ENPP1: variants seen among roughly 807,000 people sequenced by gnomAD.
ENPP1 encodes ectonucleotide pyrophosphatase/phosphodiesterase 1, also known as ectonucleotide pyrophosphatase/phosphodiesterase family member 1.
ENPP1 carries 73 observed loss-of-function variants against 122.8 expected under a neutral mutation model. The observed-to-expected ratio is 0.59, with a 90% confidence interval of 0.49 to 0.72. The LOEUF is 0.72. ENPP1 is among the 30% of genes least tolerant of loss of function. ENPP1 has a pLI of 0.00. For missense variants in ENPP1, 978 were observed against 1,128.1 expected, an observed-to-expected ratio of 0.87 and a Z score of 1.91; for synonymous variants, 367 against 391.6, an observed-to-expected ratio of 0.94 and a Z score of 0.74.
chr6:131,870,709 A>C (rs1782150541), intron 13 of ENPP1, among the ~76,000 whole-genome samples: 2 of 152,224 alleles, frequency 1.3e-5, no homozygotes, highest in Admixed American at 1.3e-4. Context: ...GCATATGCCT[A>C]ATACCAAGTT....
intron 1 of ENPP1, chr6:131,826,773 G>A (rs1438520566): frequency 2.2e-6 from 1 of 453,344 alleles, no homozygotes; most frequent in Non-Finnish European, 4.1e-6. Context: ...GAGGGTCCTT[G>A]GATATTTTAA....
intron 1 of ENPP1, among the ~76,000 whole-genome samples, chr6:131,812,074 T>A (rs1781362531): frequency 1.3e-5 from 2 of 152,190 alleles, no homozygotes; most frequent in Non-Finnish European, 2.9e-5. Flanking sequence ...GTCATTCACT[T>A]ACACTGGAGT....
At chr6:131,816,978 A>C (rs930321712) in intron 1 of ENPP1, among the ~76,000 whole-genome samples, 5 of 152,170 alleles carry the variant, frequency 3.3e-5, no homozygotes, top group East Asian at 1.9e-4. Flanking sequence ...TTAAAGACAG[A>C]GATTCCTAGG....
At position 131,890,515 on chromosome 6, in the gene ENPP1, G is replaced by T; in HGVS notation, c.*4G>T. The T allele has an allele frequency of 6.2e-7, 1 of 1,610,870 alleles. No individual in the cohort carries two copies. The highest frequency in any genetic ancestry group is 8.5e-7 in the Non-Finnish European group (1 of 1,177,094). ...AACCTTTAGCCAAGAAGACTGATAT[G>T]TTTTTTATCCCCAAACACCATGAAT... On this transcript the variant is annotated 3_prime_UTR_variant, in exon 25 of 25. Transcript: ENST00000647893.
At chr6:131,874,147 A>G in intron 15 of ENPP1, 121 bp from the exon 16 acceptor site, 1 of 703,812 alleles carries the variant, frequency 1.4e-6, no homozygotes, top group South Asian at 1.6e-5. Context: ...GGTTTTATTT[A>G]CCGTTGTGTT....
Position 131,860,380 on chromosome 6 carries a change from T to C in ENPP1, c.796-7T>C. The stretch of plus-strand genomic sequence containing the variant: ...AACTTGCATATAATCTGTTTTATCT[T>C]TTTTAGGGATTGTATCCAGAATCTC... On this transcript the variant is annotated splice_polypyrimidine_tract_variant and splice_region_variant and intron_variant, in intron 7 of 24. Coordinates refer to ENST00000647893, the MANE Select transcript of ENPP1 (RefSeq NM_006208.3). The C allele has an allele frequency of 6.3e-7, 1 of 1,591,778 alleles. No individual in the cohort carries two copies. Among genetic ancestry groups the C allele is most frequent in the Non-Finnish European group, 8.6e-7 (1 of 1,160,808 alleles).
chr6:131,880,566 CAAAA>C (rs373514648), intron 20 of ENPP1, among the ~76,000 whole-genome samples: 3 of 130,996 alleles, frequency 2.3e-5, no homozygotes, highest in African/African-American at 5.7e-5. Flanking sequence ...GACTCCATCT[CAAAA>C]AAAAAAAAGA....
chr6:131,837,525 A>C (rs1781692150), intron 1 of ENPP1, among the ~76,000 whole-genome samples: 1 of 131,194 alleles, frequency 7.6e-6, no homozygotes, highest in Non-Finnish European at 1.5e-5. Flanking sequence ...TGTCTCAAAA[A>C]AAAAAAAAAA....
chr6:131,873,410 T>C (rs550464537), intron 15 of ENPP1, among the ~76,000 whole-genome samples: 26 of 152,288 alleles, frequency 1.7e-4, no homozygotes, highest in African/African-American at 6.0e-4. Context: ...GTTCTGGCTT[T>C]TCATATACAT....
intron 1 of ENPP1, among the ~76,000 whole-genome samples, chr6:131,838,339 T>G (rs893727571): frequency 6.6e-5 from 10 of 151,998 alleles, no homozygotes; most frequent in African/African-American, 2.4e-4. Context: ...AAAACAAGAA[T>G]AAACCAAAGA....
At chr6:131,825,506 G>A (rs527704753) in intron 1 of ENPP1, among the ~76,000 whole-genome samples, 64 of 152,166 alleles carry the variant, frequency 4.2e-4, no homozygotes, top group Non-Finnish European at 7.1e-4. Flanking sequence ...AATGGCGCAC[G>A]GCTAGTCACT....
intron 1 of ENPP1, among the ~76,000 whole-genome samples, chr6:131,839,898 C>A (rs545949275): frequency 6.6e-6 from 1 of 152,030 alleles, no homozygotes; most frequent in Non-Finnish European, 1.5e-5. Flanking sequence ...GTCTATATTT[C>A]TTTAGCTATT....
intron 8 of ENPP1, among the ~76,000 whole-genome samples, chr6:131,860,935 A>G (rs893019618): frequency 1.3e-5 from 2 of 152,090 alleles, no homozygotes; most frequent in African/African-American, 4.8e-5. Context: ...AAATTCTCCA[A>G]TTCTCCAATT....
chr6:131,862,633 C>G (rs998252475), intron 9 of ENPP1, among the ~76,000 whole-genome samples: 1 of 152,142 alleles, frequency 6.6e-6, no homozygotes, highest in Admixed American at 6.6e-5. Flanking sequence ...TTGCTATCTC[C>G]TGTTCCTGGG....
At chr6:131,846,969 A>G (rs1407319256) in intron 1 of ENPP1, among the ~76,000 whole-genome samples, 1 of 152,222 alleles carries the variant, frequency 6.6e-6, no homozygotes, top group African/African-American at 2.4e-5. Flanking sequence ...AGCACTGGAA[A>G]GATGTTTAGA....
rs1038541777 is a variant in ENPP1 at position 131,871,964 on chromosome 6, C to G, written c.1406-106C>G. The G allele has an allele frequency of 1.7e-5, 15 of 868,184 alleles. No individual in the cohort carries two copies. In the African/African-American group the frequency reaches 1.8e-4, roughly 11 times the overall value. 53.8% of individuals were successfully genotyped at this position (868,184 alleles called of 1,614,324 possible). A position where few individuals can be genotyped will look rare whatever the true frequency, so the allele number is the denominator to read the frequency against. The stretch of plus-strand genomic sequence containing the variant: ...CTTAAATGAACTCTTTAAAACCTGC[C>G]TTGGTATTTAAATGCAGAGTTTGGA... On this transcript the variant is annotated intron_variant, in intron 13 of 24. Coordinates refer to ENST00000647893, the MANE Select transcript of ENPP1 (RefSeq NM_006208.3).
At chr6:131,870,173 T>G (rs1411137949) in intron 13 of ENPP1, among the ~76,000 whole-genome samples, 3 of 152,196 alleles carry the variant, frequency 2.0e-5, no homozygotes, top group African/African-American at 7.2e-5. Context: ...TTAATGACAC[T>G]CCATTAAAAT....
chr6:131,839,126 G>A (rs1020009053), intron 1 of ENPP1, among the ~76,000 whole-genome samples: 1 of 151,950 alleles, frequency 6.6e-6, no homozygotes, highest in Non-Finnish European at 1.5e-5. Context: ...TTTTACTGTC[G>A]TTGTCCTGGA....
At chr6:131,862,145 G>A (rs937383690) in intron 9 of ENPP1, among the ~76,000 whole-genome samples, 2 of 152,080 alleles carry the variant, frequency 1.3e-5, no homozygotes, top group East Asian at 3.9e-4. Flanking sequence ...CTCCAGCCTG[G>A]GCGACAAGAG....
Sources: gnomAD v4.1 joint callset for allele counts (sites outside exome capture counted in the v4.1 genomes callset) on GRCh38, gnomAD v4.1.1 for gene constraint, MANE v1.5 for transcripts, NCBI Gene and HGNC (gene_info 2026-07-23, HGNC 2026-07-21) for gene names.